Variants in POP5 observed in about 807,000 individuals in gnomAD.
The protein encoded by POP5 is ribonuclease P/MRP protein subunit POP5.
In POP5, 18 loss-of-function variants were observed where a neutral mutation model predicts 20.7. That is an observed-to-expected ratio of 0.87 (90% CI 0.60 to 1.29). POP5 has a LOEUF of 1.29. Among genes scored for constraint, POP5 ranks in the 50% most tolerant of loss-of-function variants. The probability of loss-of-function intolerance (pLI) is 0.00; values close to 1 mark genes in which losing one functional copy is unlikely to be tolerated. For missense variants in POP5, 200 were observed against 203.2 expected, an observed-to-expected ratio of 0.98 and a Z score of 0.10; for synonymous variants, 91 against 78.0, an observed-to-expected ratio of 1.17 and a Z score of -0.88.
Position 120,579,137 on chromosome 12 carries a change from A to G in POP5, c.*181T>C. 1.6e-6 allele frequency: 1 copy of G among 618,460 alleles called. No homozygotes were observed. Among genetic ancestry groups the G allele is most frequent in the Non-Finnish European group, 2.9e-6 (1 of 344,446 alleles). 38.3% of individuals were successfully genotyped at this position (618,460 alleles called of 1,614,324 possible). A position where few individuals can be genotyped will look rare whatever the true frequency, so the allele number is the denominator to read the frequency against. On this transcript the variant is annotated 3_prime_UTR_variant, in exon 5 of 5. Transcript: ENST00000357500. ...CACAACCTGCAACACTTCACCAGGG[A>G]ATGCTAGGTAAAGGCAACTTCAGTT... is the stretch of plus-strand genomic sequence containing the variant.
At chr12:120,580,049 C>G in intron 2 of POP5, 126 bp from the exon 3 acceptor site, 1 of 845,040 alleles carries the variant, frequency 1.2e-6, no homozygotes, top group South Asian at 1.7e-5. Flanking sequence ...CGAGGCCAGC[C>G]TGGCCAACAT....
In POP5 at chr12:120,579,102, C is replaced by T. The variant is rs145308907; in HGVS notation, c.*216G>A. 1,359 of 594,728 alleles carry T rather than the reference C, an allele frequency of 2.3e-3. 1 individual carries two copies. The highest frequency in any genetic ancestry group is 3.2e-3 in the Non-Finnish European group (1,062 of 333,576). 36.8% of individuals were successfully genotyped at this position (594,728 alleles called of 1,614,324 possible). ...ACTCTTAGCCAAGCAATAAAGATGT[C>T]TACAGAGTTCACAACCTGCAACACT... is the stretch of plus-strand genomic sequence containing the variant. On this transcript the variant is annotated 3_prime_UTR_variant, in exon 5 of 5. Coordinates refer to ENST00000357500, the MANE Select transcript of POP5 (RefSeq NM_015918.4).
In POP5 at chr12:120,579,920, C is replaced by T. The variant is rs188049856; in HGVS notation, c.167G>A (p.Arg56Gln). Residue 56 changes from arginine to glutamine, a missense_variant, in exon 3 of 5, where the codon CGA (arginine) becomes CAA (glutamine). Physicochemically the swap from Arg to Gln is conservative, Grantham distance 43 (BLOSUM62 1). Coordinates refer to ENST00000357500, the MANE Select transcript of POP5 (RefSeq NM_015918.4). Reference sequence around the variant, plus strand: ...TATTCCAGTATAGGCATTGAGATATCGAACTACAACAGGAAAGAAAAATCA... The same window carrying T: ...TATTCCAGTATAGGCATTGAGATATTGAACTACAACAGGAAAGAAAAATCA... ...AAACSIGFAV[R>Q]YLNAYTGIVL... 10 of 1,613,010 alleles carry T rather than the reference C, an allele frequency of 6.2e-6. No homozygotes were observed. The East Asian group carries it at 6.7e-5, about 11-fold the overall frequency.
rs559948050 is a variant in POP5, at chr12:120,579,333, T to C, written c.477A>G (p.Ala159=). 3.2e-5 allele frequency: 51 copies of C among 1,614,142 alleles called. No homozygotes were observed. The highest frequency in any genetic ancestry group is 1.8e-4 in the Admixed American group (11 of 60,036). ...EEEEESGEEA[A]EAME ...GAGCAGAGGTTCACTCCATTGCTTC[T>C]GCAGCCTCCTCACCTGACTCCTCCT... The change falls in exon 5 of 5, where the codon GCA becomes GCG. Residue 159 remains alanine, a synonymous_variant. Coordinates refer to ENST00000357500, the MANE Select transcript of POP5 (RefSeq NM_015918.4).
rs755122774 is a variant in POP5 at position 120,579,348 on chromosome 12, T to C, written c.462A>G (p.Ser154=). The C allele has an allele frequency of 4.3e-6, 7 of 1,614,206 alleles. No individual in the cohort carries two copies. Among genetic ancestry groups the C allele is most frequent in the East Asian group, 2.2e-5 (1 of 44,892 alleles). ...CCATTGCTTCTGCAGCCTCCTCACC[T>C]GACTCCTCCTCCTCCTCTAATAAGC... ...RSCLLEEEEE[S]GEEAAEAME is the part of the protein sequence containing the mutation. The change falls in exon 5 of 5, where the codon TCA becomes TCG. Residue 154 remains serine, a synonymous_variant. Coordinates refer to ENST00000357500, the MANE Select transcript of POP5 (RefSeq NM_015918.4).
intron 2 of POP5, 31 bp downstream of exon 2, chr12:120,581,084 G>A (rs759383396): frequency 3.1e-6 from 5 of 1,602,416 alleles, no homozygotes; most frequent in Non-Finnish European, 4.2e-6. Flanking sequence ...CCATCCTCCC[G>A]GGTTCCCCTC....
Position 120,579,485 on chromosome 12 carries a change from T to G in POP5, c.397+29A>C, listed in dbSNP as rs370911432. On this transcript the variant is annotated intron_variant, in intron 4 of 4. Coordinates refer to ENST00000357500, the MANE Select transcript of POP5 (RefSeq NM_015918.4). Reference sequence around the variant, plus strand: ...TCTTCAGCTTAAGGTCAGTCACTGCTCAGTGGGCACTGGGCTAGTGTTGCT... The same window carrying G: ...TCTTCAGCTTAAGGTCAGTCACTGCGCAGTGGGCACTGGGCTAGTGTTGCT... 387 of 1,606,720 alleles carry G rather than the reference T, an allele frequency of 2.4e-4. 1 individual carries two copies. Among genetic ancestry groups the G allele is most frequent in the Middle Eastern group, 5.0e-4 (3 of 6,052 alleles).
At position 120,579,081 on chromosome 12, in the gene POP5, T is replaced by C. The variant is rs1429621594; in HGVS notation, c.*237A>G. On this transcript the variant is annotated 3_prime_UTR_variant, in exon 5 of 5. Transcript: ENST00000357500. Reference sequence around the variant, plus strand: ...CCAGATACATTTATTAAATCTACTCTTAGCCAAGCAATAAAGATGTCTACA... The same window carrying C: ...CCAGATACATTTATTAAATCTACTCCTAGCCAAGCAATAAAGATGTCTACA... The C allele has an allele frequency of 3.5e-6, 2 of 567,938 alleles. No homozygotes were observed. Among genetic ancestry groups the C allele is most frequent in the Non-Finnish European group, 6.3e-6 (2 of 318,028 alleles). The allele number at this position is 567,938 out of a possible 1,614,324, so 35.2% of individuals were successfully genotyped here.
In POP5 at chr12:120,579,887, A is replaced by C. The variant is rs751422878; in HGVS notation, c.200T>G (p.Leu67Arg). The change falls in exon 3 of 5, where the codon CTT becomes CGT. Residue 67 changes from leucine (L) to arginine (R), a missense_variant. By Grantham distance (102) the Leu-to-Arg change is moderately radical. Coordinates refer to ENST00000357500, the MANE Select transcript of POP5 (RefSeq NM_015918.4). ...CTGATAGAATTCTTTTCTGCATCGA[A>C]GTAGCACTATTCCAGTATAGGCATT... ...YLNAYTGIVL[L>R]RCRKEFYQLV... The C allele has an allele frequency of 2.5e-6, 4 of 1,613,080 alleles. No homozygotes were observed. The African/African-American group carries it at 5.3e-5, about 22-fold the overall frequency.
rs1001534288 is a variant in POP5, at chr12:120,581,355, C to G, written c.8G>C (p.Arg3Pro). 2 of 1,613,138 alleles carry G rather than the reference C, an allele frequency of 1.2e-6. No homozygotes were observed. The change falls in exon 1 of 5, where the codon CGG (arginine) becomes CCG (proline). Residue 3 changes from arginine to proline, a missense_variant. Coordinates refer to ENST00000357500, the MANE Select transcript of POP5 (RefSeq NM_015918.4). The stretch of plus-strand genomic sequence containing the variant: ...AGGGAATGCTTACCTGTGCTTGAAC[C>G]GCACCATGGCTGCCTCCGCGCTCTC... MVRFKHRYLLCEL... is the reference protein window; with the variant it reads MVPFKHRYLLCEL...
chr12:120,579,767 C>T lies in POP5; in HGVS notation c.313+7G>A. 6.2e-7 allele frequency: 1 copy of T among 1,602,960 alleles called. No homozygotes were observed. The highest frequency in any genetic ancestry group is 8.5e-7 in the Non-Finnish European group (1 of 1,169,874). The stretch of plus-strand genomic sequence containing the variant: ...GAAAATCAGTAGCCATACCACCTCA[C>T]TCCTACCTCCCACATGTAATGTGTT... On this transcript the variant is annotated splice_region_variant and intron_variant, in intron 3 of 4. Coordinates refer to ENST00000357500, the MANE Select transcript of POP5 (RefSeq NM_015918.4).
At chr12:120,579,966 G>C (rs1409210224) in intron 2 of POP5, 43 bp from the exon 3 acceptor site, 2 of 1,580,848 alleles carry the variant, frequency 1.3e-6, no homozygotes, top group Non-Finnish European at 1.7e-6. Flanking sequence ...CTTTTGCTCT[G>C]TGTGGTGGCT....
chr12:120,580,700 A>G, intron 2 of POP5: 1 of 196,514 alleles, frequency 5.1e-6, no homozygotes, highest in Non-Finnish European at 1.1e-5. Flanking sequence ...ATTGACAATC[A>G]TGTGTTCTGT....
rs777747103 is a variant in POP5, at chr12:120,579,357, C to T, written c.453G>A (p.Glu151=). ...CTGCAGCCTCCTCACCTGACTCCTCCTCCTCCTCTAATAAGCAGCTTCTTG... is the reference window on the plus strand; with the variant it reads ...CTGCAGCCTCCTCACCTGACTCCTCTTCCTCCTCTAATAAGCAGCTTCTTG... ...SVTRSCLLEE[E]EESGEEAAEA... The change falls in exon 5 of 5, where the codon GAG becomes GAA. Residue 151 remains glutamate, a synonymous_variant. Coordinates refer to ENST00000357500, the MANE Select transcript of POP5 (RefSeq NM_015918.4). 3.1e-6 allele frequency: 5 copies of T among 1,614,118 alleles called. No individual in the cohort carries two copies. In the Admixed American group the frequency reaches 6.7e-5, roughly 22 times the overall value.
rs200517253 is a variant in POP5 at position 120,581,205 on chromosome 12, C to G, written c.73G>C (p.Asp25His). The change falls in exon 2 of 5, where the codon GAT (aspartate) becomes CAT (histidine). Residue 25 changes from aspartate to histidine, a missense_variant. Coordinates refer to ENST00000357500, the MANE Select transcript of POP5 (RefSeq NM_015918.4). The stretch of plus-strand genomic sequence containing the variant: ...ACGAGGCTGCTCAGAACTCGGTCAT[C>G]GAGGCTTAGGCGGCAGCGGGGGTCG... ...SDDPRCRLSL[D>H]DRVLSSLVRD... 3.6e-5 allele frequency: 58 copies of G among 1,614,142 alleles called. No individual in the cohort carries two copies. In the South Asian group the frequency reaches 6.4e-4, roughly 18 times the overall value.
At chr12:120,580,157 G>A (rs948884147) in intron 2 of POP5, 8 of 427,130 alleles carry the variant, frequency 1.9e-5, no homozygotes, top group African/African-American at 4.1e-5. Flanking sequence ...CATGAGAATC[G>A]CCTGAACCCA....
At chr12:120,579,742 G>A (rs1593131270) in intron 3 of POP5, 32 bp downstream of exon 3, 1 of 1,584,234 alleles carries the variant, frequency 6.3e-7, no homozygotes, top group Non-Finnish European at 8.7e-7. Flanking sequence ...GTCACCAATT[G>A]AAAATCAGTA....
chr12:120,579,794 A>C lies in POP5; in HGVS notation c.293T>G (p.Phe98Cys). 11 of 1,608,718 alleles carry C rather than the reference A, an allele frequency of 6.8e-6. No individual in the cohort carries two copies. Among genetic ancestry groups the C allele is most frequent in the Non-Finnish European group, 9.4e-6 (11 of 1,175,030 alleles). Residue 98 changes from phenylalanine (F) to cysteine (C), a missense_variant, in exon 3 of 5, where the codon TTC (phenylalanine) becomes TGC (cysteine). By Grantham distance (205) the Phe-to-Cys change is radical. Coordinates refer to ENST00000357500, the MANE Select transcript of POP5 (RefSeq NM_015918.4). ...CCTACCTCCCACATGTAATGTGTTGAAAAAGCATGGGTAACGGTGTCCTTT... is the reference window on the plus strand; with the variant it reads ...CCTACCTCCCACATGTAATGTGTTGCAAAAGCATGGGTAACGGTGTCCTTT... ...ENKGHRYPCF[F>C]NTLHVGGTIR... is the part of the protein sequence containing the mutation.
intron 2 of POP5, 147 bp from the exon 3 acceptor site, chr12:120,580,070 C>T (rs986003449): frequency 2.2e-5 from 15 of 670,356 alleles, no homozygotes; most frequent in Admixed American, 6.1e-5. Flanking sequence ...GATGAAACCC[C>T]GTCTCTACTA....
Sources: allele counts gnomAD v4.1 joint callset, GRCh38; gene constraint gnomAD v4.1.1; transcripts MANE v1.5; gene names NCBI Gene and HGNC (gene_info 2026-07-23, HGNC 2026-07-21).